LRCH1: variants seen among roughly 807,000 people sequenced by gnomAD.
The protein encoded by LRCH1 is leucine-rich repeat and calponin homology domain-containing protein 1.
LRCH1 carries 23 observed loss-of-function variants against 94.9 expected under a neutral mutation model. The observed-to-expected ratio is 0.24, with a 90% CI of 0.17 to 0.34. LRCH1 has a LOEUF of 0.34. Among genes scored for constraint, LRCH1 ranks in the 10% least tolerant of loss-of-function variants. LRCH1 has a pLI of 1.00. For missense variants in LRCH1, 790 were observed against 945.9 expected (o/e 0.84, Z 2.16); for synonymous variants, 364 against 354.9 (o/e 1.03, Z -0.29).
chr13:46,554,880 T>A (rs1367452109), intron 1 of LRCH1, among the ~76,000 whole-genome samples: 2 of 152,228 alleles, frequency 1.3e-5, no homozygotes, highest in Non-Finnish European at 2.9e-5. Flanking sequence ...TCAGACCCCC[T>A]GGGTCTTGGA....
At chr13:46,705,354 G>T (rs746397413) in intron 13 of LRCH1, 50 bp downstream of exon 13, 5 of 1,459,158 alleles carry the variant, frequency 3.4e-6, no homozygotes, top group Admixed American at 3.3e-5. Flanking sequence ...TTTTGCCATG[G>T]AATACTGGCC....
chr13:46,590,480 T>C (rs80008388), intron 1 of LRCH1, among the ~76,000 whole-genome samples: 1,744 of 152,254 alleles, frequency 0.011, 33 homozygotes, highest in African/African-American at 0.04. Context: ...TTCAGTGTTA[T>C]CACAGGCCAA....
chr13:46,594,934 T>A (rs1425674307), intron 1 of LRCH1, among the ~76,000 whole-genome samples: 1 of 152,196 alleles, frequency 6.6e-6, no homozygotes, highest in Non-Finnish European at 1.5e-5. Flanking sequence ...CTATACAGGC[T>A]ATATAAAGAA....
intron 1 of LRCH1, among the ~76,000 whole-genome samples, chr13:46,588,624 G>A (rs1410523032): frequency 1.7e-5 from 2 of 121,160 alleles, no homozygotes; most frequent in Non-Finnish European, 1.6e-5. Flanking sequence ...TTTTGAGACA[G>A]TCATCTCGCT....
At chr13:46,745,469 C>T (rs1873873855), downstream of LRCH1, among the ~76,000 whole-genome samples, 1 of 151,750 alleles carries the variant, frequency 6.6e-6, no homozygotes, top group Non-Finnish European at 1.5e-5. Context: ...AGCAAACGTT[C>T]AGGAATAGCC....
At chr13:46,601,169 G>C (rs1251005570) in intron 1 of LRCH1, among the ~76,000 whole-genome samples, 4 of 152,198 alleles carry the variant, frequency 2.6e-5, no homozygotes, top group Non-Finnish European at 4.4e-5. Flanking sequence ...GGCAGGGCCG[G>C]TTTTGTTTTT....
intron 13 of LRCH1, among the ~76,000 whole-genome samples, chr13:46,706,049 A>G (rs1248829746): frequency 6.6e-6 from 1 of 152,234 alleles, no homozygotes; most frequent in Non-Finnish European, 1.5e-5. Context: ...AGGTGTTTGC[A>G]CATGTACTAT....
chr13:46,752,789 G>C (rs1180515832), exon 19 of LRCH1: 2 of 151,884 alleles, frequency 1.3e-5, no homozygotes, highest in Non-Finnish European at 2.9e-5. Context: ...TATTTCTTTT[G>C]ATATTAATTT....
intron 1 of LRCH1, among the ~76,000 whole-genome samples, chr13:46,568,592 T>C (rs1162553003): frequency 6.6e-6 from 1 of 152,216 alleles, no homozygotes; most frequent in African/African-American, 2.4e-5. Context: ...TTTTAGTTGG[T>C]AAAATACAGC....
chr13:46,657,683 G>T, intron 2 of LRCH1, among the ~76,000 whole-genome samples: 2 of 41,050 alleles, frequency 4.9e-5, no homozygotes, highest in African/African-American at 7.7e-5. Flanking sequence ...GCGCCACCAT[G>T]CCCAGCTAAT....
intron 18 of LRCH1, among the ~76,000 whole-genome samples, chr13:46,730,133 C>T (rs922446304): frequency 6.6e-6 from 1 of 152,170 alleles, no homozygotes; most frequent in African/African-American, 2.4e-5. Flanking sequence ...TATCACTGCT[C>T]ACCCTTTTTG....
intron 2 of LRCH1, among the ~76,000 whole-genome samples, chr13:46,664,783 C>T (rs1254946372): frequency 1.3e-5 from 2 of 152,052 alleles, no homozygotes; most frequent in Non-Finnish European, 2.9e-5. Flanking sequence ...TCTATAATGT[C>T]GTGTTAGGTA....
rs564385900 is a variant in LRCH1 at position 46,623,873 on chromosome 13, G to A, written c.308-26328G>A. Among the ~76,000 whole-genome samples, 328 of 108,680 alleles carry A rather than the reference G, an allele frequency of 3.0e-3. 1 individual carries two copies. Among genetic ancestry groups the A allele is most frequent in the Non-Finnish European group, 3.6e-3 (208 of 57,584 alleles). 71.3% of individuals were successfully genotyped at this position (108,680 alleles called of 152,430 possible). ...CTATCCCTCCCCCCTCCCCATCTCT[G>A]TTTTTTATTATTTATTTATTTATCG... On this transcript the variant is annotated intron_variant, in intron 1 of 19. Coordinates refer to ENST00000389797, the MANE Select transcript of LRCH1 (RefSeq NM_001164211.2).
At chr13:46,598,055 C>T (rs1428057840) in intron 1 of LRCH1, among the ~76,000 whole-genome samples, 1 of 152,050 alleles carries the variant, frequency 6.6e-6, no homozygotes, top group Non-Finnish European at 1.5e-5. Flanking sequence ...CCGAGGCAGG[C>T]AGATCACCTG....
chr13:46,626,655 A>G (rs1307952592), intron 1 of LRCH1, among the ~76,000 whole-genome samples: 1 of 152,190 alleles, frequency 6.6e-6, no homozygotes, highest in African/African-American at 2.4e-5. Flanking sequence ...ATAAACAGCC[A>G]TGTTGCTCAC....
chr13:46,562,446 A>T (rs761608178), intron 1 of LRCH1, among the ~76,000 whole-genome samples: 171 of 152,100 alleles, frequency 1.1e-3, no homozygotes, highest in Non-Finnish European at 1.7e-3. Context: ...TCCTTTTTAT[A>T]CACAAATCCT....
At chr13:46,564,309 A>G (rs4942552) in intron 1 of LRCH1, among the ~76,000 whole-genome samples, 20,298 of 152,162 alleles carry the variant, frequency 0.13, 1,447 homozygotes, top group African/African-American at 0.19. Context: ...TCTCCCGCCA[A>G]CCCACAAAGC....
chr13:46,598,322 C>G (rs1003730990), intron 1 of LRCH1, among the ~76,000 whole-genome samples: 4 of 151,356 alleles, frequency 2.6e-5, no homozygotes, highest in Non-Finnish European at 2.9e-5. Context: ...TTTGTCTGGC[C>G]CTCTTGCAGC....
chr13:46,661,556 T>C (rs2051448813), intron 2 of LRCH1, among the ~76,000 whole-genome samples: 1 of 152,230 alleles, frequency 6.6e-6, no homozygotes, highest in Non-Finnish European at 1.5e-5. Flanking sequence ...GTAAAATTTT[T>C]GGCAAAACTT....
Sources: gnomAD v4.1 joint callset for allele counts (sites outside exome capture counted in the v4.1 genomes callset) on GRCh38, gnomAD v4.1.1 for gene constraint, MANE v1.5 for transcripts, NCBI Gene and HGNC (gene_info 2026-07-23, HGNC 2026-07-21) for gene names.